IL1RAPL1: variants seen among roughly 807,000 people sequenced by gnomAD.
IL1RAPL1 encodes the protein interleukin 1 receptor accessory protein like 1.
IL1RAPL1 carries 3 observed loss-of-function variants against 48.4 expected under a neutral mutation model. The ratio of observed to expected loss-of-function variants is 0.06; its 90% CI spans 0.03 to 0.16. The LOEUF is 0.16. Among genes scored for constraint, IL1RAPL1 ranks in the 10% least tolerant of loss-of-function variants. IL1RAPL1 has a pLI of 1.00. For synonymous variants in IL1RAPL1, 185 were observed against 187.7 expected, an observed-to-expected ratio of 0.99 and a Z score of 0.12; for missense variants, 349 against 530.6, an observed-to-expected ratio of 0.66 and a Z score of 3.36.
At chrX:29,449,762 C>CAT (rs1934654977) in intron 5 of IL1RAPL1, among the ~76,000 whole-genome samples, 1 of 69,793 alleles carries the variant, frequency 1.4e-5, no homozygotes, top group Non-Finnish European at 2.5e-5. Flanking sequence ...CACACACACA[C>CAT]ACACACACAC....
At chrX:28,869,108 T>C (rs1358692136) in intron 2 of IL1RAPL1, among the ~76,000 whole-genome samples, 2 of 112,862 alleles carry the variant, frequency 1.8e-5, no homozygotes, top group Non-Finnish European at 3.7e-5. Flanking sequence ...TACATGAAGA[T>C]TGGTACTACA....
chrX:29,663,240 T>TA (rs11418496), intron 5 of IL1RAPL1, among the ~76,000 whole-genome samples: 9,432 of 110,371 alleles, frequency 0.085, 1,017 homozygotes, highest in African/African-American at 0.29. Flanking sequence ...TCTTTTAAGT[T>TA]AAAAAAAAAT....
chrX:29,252,405 A>G (rs185556830), intron 2 of IL1RAPL1, among the ~76,000 whole-genome samples: 1 of 114,083 alleles, frequency 8.8e-6, no homozygotes, highest in South Asian at 3.4e-4. Flanking sequence ...TGGCCAGGGC[A>G]TACAGGGAAA....
At position 29,029,513 on chromosome X, in the gene IL1RAPL1, C is replaced by A. The variant is rs779191458; in HGVS notation, c.82+240088C>A. 2.7e-5 allele frequency among the ~76,000 whole-genome samples: 3 copies of A among 111,734 alleles called. No individual in the cohort carries two copies. In the South Asian group the frequency reaches 1.1e-3, roughly 42 times the overall value. On this transcript the variant is annotated intron_variant, in intron 2 of 10. Coordinates refer to ENST00000378993, the MANE Select transcript of IL1RAPL1 (RefSeq NM_014271.4). The stretch of plus-strand genomic sequence containing the variant: ...GGTGCTATAATCTCTCAACTGATTT[C>A]TTTAGCTCTTGTGAAGGTGATTTTG...
chrX:28,806,010 A>G (rs1936727011), intron 2 of IL1RAPL1, among the ~76,000 whole-genome samples: 1 of 111,014 alleles, frequency 9.0e-6, no homozygotes, highest in Non-Finnish European at 1.9e-5. Context: ...GGCAATGTAC[A>G]TGCATGTCAT....
intron 5 of IL1RAPL1, among the ~76,000 whole-genome samples, chrX:29,606,773 T>C (rs1019158836): frequency 4.5e-5 from 5 of 111,313 alleles, no homozygotes; most frequent in African/African-American, 1.6e-4. Flanking sequence ...TTTTTTTCTT[T>C]AAACAGGAGA....
chrX:28,884,567 A>G (rs186882241), intron 2 of IL1RAPL1, among the ~76,000 whole-genome samples: 1 of 111,938 alleles, frequency 8.9e-6, no homozygotes, highest in Admixed American at 9.5e-5. Flanking sequence ...CCTCTCTTTC[A>G]CAAACAGTGC....
At chrX:29,076,968 T>G (rs1005467966) in intron 2 of IL1RAPL1, among the ~76,000 whole-genome samples, 4 of 112,388 alleles carry the variant, frequency 3.6e-5, no homozygotes, top group Non-Finnish European at 5.6e-5. Context: ...TTACTCTGGG[T>G]ATTCCATGCA....
intron 3 of IL1RAPL1, among the ~76,000 whole-genome samples, chrX:29,350,191 TTATATATATATATA>T (rs397897010): frequency 2.5e-4 from 10 of 39,424 alleles, no homozygotes; most frequent in South Asian, 1.7e-3. Flanking sequence ...TACTGTTATT[TTATATATATATATA>T]TATATATATA....
chrX:29,077,856 G>A (rs1447275380), intron 2 of IL1RAPL1, among the ~76,000 whole-genome samples: 2 of 111,489 alleles, frequency 1.8e-5, no homozygotes, highest in Non-Finnish European at 3.8e-5. Flanking sequence ...AAGTGAGGGT[G>A]GTGGTCATAA....
chrX:29,220,018 G>A (rs994341081), intron 2 of IL1RAPL1, among the ~76,000 whole-genome samples: 4 of 110,846 alleles, frequency 3.6e-5, no homozygotes, highest in African/African-American at 1.3e-4. Flanking sequence ...TTGTAATAGT[G>A]ACTAAGATGA....
At chrX:28,668,175 A>G (rs922988605) in intron 1 of IL1RAPL1, among the ~76,000 whole-genome samples, 3 of 111,699 alleles carry the variant, frequency 2.7e-5, no homozygotes, top group Non-Finnish European at 3.8e-5. Flanking sequence ...GGGGGTAGTA[A>G]TAAAAATTCA....
chrX:29,787,161 C>T (rs1929517829), intron 6 of IL1RAPL1, among the ~76,000 whole-genome samples: 1 of 111,472 alleles, frequency 9.0e-6, no homozygotes, highest in African/African-American at 3.3e-5. Context: ...GGAGAGGAGC[C>T]TTTGTTCTTA....
intron 5 of IL1RAPL1, among the ~76,000 whole-genome samples, chrX:29,607,517 T>C (rs552129522): frequency 1.8e-5 from 2 of 111,986 alleles, no homozygotes; most frequent in African/African-American, 3.2e-5. Flanking sequence ...ATTATCCAAA[T>C]GATGTTAGTG....
At chrX:29,130,542 C>A (rs998967521) in intron 2 of IL1RAPL1, among the ~76,000 whole-genome samples, 7 of 112,380 alleles carry the variant, frequency 6.2e-5, no homozygotes, top group African/African-American at 1.9e-4. Context: ...TGAAGAACTC[C>A]AAACTAGTTT....
chrX:29,404,987 C>T (rs1934038105), intron 5 of IL1RAPL1, among the ~76,000 whole-genome samples: 1 of 111,014 alleles, frequency 9.0e-6, no homozygotes, highest in Non-Finnish European at 1.9e-5. Context: ...GATCTCGGCT[C>T]ACTGCAACCT....
At chrX:29,206,392 T>A (rs753111345) in intron 2 of IL1RAPL1, among the ~76,000 whole-genome samples, 6 of 111,635 alleles carry the variant, frequency 5.4e-5, no homozygotes, top group African/African-American at 1.9e-4. Context: ...TGAGTATGTA[T>A]AACCTATATA....
intron 5 of IL1RAPL1, among the ~76,000 whole-genome samples, chrX:29,411,805 A>G (rs1476022006): frequency 1.8e-5 from 2 of 110,311 alleles, no homozygotes; most frequent in Non-Finnish European, 3.8e-5. Flanking sequence ...GTCAAAGTAC[A>G]TTTTGGACAC....
intron 6 of IL1RAPL1, among the ~76,000 whole-genome samples, chrX:29,717,628 A>C (rs776595176): frequency 2.0e-4 from 23 of 112,394 alleles, no homozygotes; most frequent in African/African-American, 7.4e-4. Context: ...CTTACCACTT[A>C]TTTTTGTAAA....
Sources: allele counts gnomAD v4.1 joint callset (sites outside exome capture counted in the v4.1 genomes callset), GRCh38; gene constraint gnomAD v4.1.1; transcripts MANE v1.5; gene names NCBI Gene and HGNC (gene_info 2026-07-23, HGNC 2026-07-21).